Variants in GCSH observed in about 807,000 individuals in gnomAD.
GCSH encodes glycine cleavage system H protein, mitochondrial.
A neutral mutation model predicts 21.3 loss-of-function variants in GCSH; 15 were observed. The observed-to-expected ratio is 0.70, with a 90% confidence interval of 0.47 to 1.08. GCSH has a LOEUF of 1.08. Among genes scored for constraint, GCSH ranks in the 50% least tolerant of loss-of-function variants. GCSH has a pLI of 0.00. For synonymous variants in GCSH, 59 were observed against 84.5 expected (o/e 0.70, Z 1.66); for missense variants, 179 against 217.5 (o/e 0.82, Z 1.11).
At chr16:81,091,133 T>G (rs1162438606) in intron 1 of GCSH, 5 of 451,544 alleles carry the variant, frequency 1.1e-5, no homozygotes, top group South Asian at 7.9e-5. Context: ...ACAGTAATAA[T>G]CAGGTGCCTC....
intron 1 of GCSH, among the ~76,000 whole-genome samples, chr16:81,092,652 A>G (rs1298421941): frequency 6.6e-6 from 1 of 152,022 alleles, no homozygotes; most frequent in Non-Finnish European, 1.5e-5. Context: ...CTGAGGCATG[A>G]GAATTGCTTG....
intron 3 of GCSH, 127 bp downstream of exon 3, chr16:81,087,474 G>C: frequency 1.4e-6 from 1 of 733,382 alleles, no homozygotes; most frequent in African/African-American, 1.8e-5. Flanking sequence ...CTCCAGCCTG[G>C]GTGACAAAGC....
chr16:81,086,380 A>C (rs1250845220), intron 3 of GCSH, among the ~76,000 whole-genome samples: 4 of 152,094 alleles, frequency 2.6e-5, no homozygotes, highest in African/African-American at 9.7e-5. Flanking sequence ...CAAAACCTCG[A>C]AATAAATAAA....
intron 3 of GCSH, 29 bp downstream of exon 3, chr16:81,087,572 G>A: frequency 6.8e-7 from 1 of 1,461,306 alleles, no homozygotes; most frequent in Non-Finnish European, 9.6e-7. Context: ...TCATGGCATG[G>A]ATCATTCTAA....
At chr16:81,089,255 T>C (rs1972345456) in intron 2 of GCSH, among the ~76,000 whole-genome samples, 1 of 152,196 alleles carries the variant, frequency 6.6e-6, no homozygotes, top group Non-Finnish European at 1.5e-5. Context: ...TTTGGAATAC[T>C]CGCATTATAC....
At chr16:81,086,673 G>A (rs374760021) in intron 3 of GCSH, among the ~76,000 whole-genome samples, 1 of 151,888 alleles carries the variant, frequency 6.6e-6, no homozygotes, top group African/African-American at 2.4e-5. Context: ...AATCAGAGAA[G>A]GAAAAAGGAA....
intron 1 of GCSH, among the ~76,000 whole-genome samples, chr16:81,091,491 G>A (rs1416405350): frequency 6.6e-6 from 1 of 152,274 alleles, no homozygotes; most frequent in Middle Eastern, 3.4e-3. Context: ...CAATGTTCAA[G>A]AGTAAAAAGA....
chr16:81,096,048 C>G lies in GCSH; in HGVS notation c.148+83G>C, dbSNP rs988593267. 10 of 1,134,440 alleles carry G rather than the reference C, an allele frequency of 8.8e-6. No individual in the cohort carries two copies. The Admixed American group carries it at 3.4e-4, about 39-fold the overall frequency. 70.3% of individuals were successfully genotyped at this position (1,134,440 alleles called of 1,614,324 possible). ...CCCCGGTGGCTCAGGAGCGGTGCCC[C>G]GGCGTCCTCCGTGTCCCGCTGGGCC... On this transcript the variant is annotated intron_variant, in intron 1 of 4. Transcript: ENST00000315467.
intron 3 of GCSH, among the ~76,000 whole-genome samples, chr16:81,084,856 C>G (rs35161190): frequency 6.6e-6 from 1 of 151,588 alleles, no homozygotes; most frequent in African/African-American, 2.4e-5. Flanking sequence ...GGACTACAGG[C>G]GCCCACCTGC....
chr16:81,093,276 T>G (rs36052656), intron 1 of GCSH, among the ~76,000 whole-genome samples: 1,650 of 152,224 alleles, frequency 0.011, 23 homozygotes, highest in East Asian at 0.058. Flanking sequence ...TTATGAGCAG[T>G]TTGAAGCTAA....
intron 3 of GCSH, among the ~76,000 whole-genome samples, chr16:81,086,817 C>A (rs916726945): frequency 3.1e-5 from 4 of 130,502 alleles, no homozygotes; most frequent in Admixed American, 8.2e-5. Context: ...CTGTGTGATT[C>A]CTTTCATATA....
At chr16:81,091,436 A>C (rs1321686956) in intron 1 of GCSH, among the ~76,000 whole-genome samples, 1 of 152,184 alleles carries the variant, frequency 6.6e-6, no homozygotes, top group East Asian at 1.9e-4. Context: ...CACTTCTCTA[A>C]AGATACGGTC....
At chr16:81,096,000 G>C (rs1972498834) in intron 1 of GCSH, 131 bp downstream of exon 1, 1 of 730,018 alleles carries the variant, frequency 1.4e-6, no homozygotes, top group Non-Finnish European at 1.9e-6. Flanking sequence ...AATAAGAAGG[G>C]GGCAGGGTCC....
intron 3 of GCSH, among the ~76,000 whole-genome samples, chr16:81,086,589 T>TA (rs1298446730): frequency 1.3e-5 from 2 of 151,146 alleles, no homozygotes; most frequent in East Asian, 3.9e-4. Context: ...AAGAACAGTT[T>TA]AAAAAAGGCT....
chr16:81,085,304 T>C (rs1035332917), intron 3 of GCSH, among the ~76,000 whole-genome samples: 1 of 152,172 alleles, frequency 6.6e-6, no homozygotes, highest in Non-Finnish European at 1.5e-5. Context: ...TGAGCCACCG[T>C]GCCTGGCCTA....
chr16:81,095,728 A>C (rs536741504), intron 1 of GCSH, among the ~76,000 whole-genome samples: 101 of 152,242 alleles, frequency 6.6e-4, no homozygotes, highest in Admixed American at 1.4e-3. Context: ...CATTTAGTAA[A>C]CTAAAGGCCT....
intron 1 of GCSH, among the ~76,000 whole-genome samples, chr16:81,094,844 C>A (rs1972467775): frequency 6.6e-6 from 1 of 152,192 alleles, no homozygotes; most frequent in Non-Finnish European, 1.5e-5. Context: ...CGACTGTAAT[C>A]TCAGCACTTT....
chr16:81,089,526 G>A (rs1972354217), intron 2 of GCSH, among the ~76,000 whole-genome samples: 1 of 152,120 alleles, frequency 6.6e-6, no homozygotes, highest in African/African-American at 2.4e-5. Flanking sequence ...GTACCATACA[G>A]CCAAGGTGTG....
intron 4 of GCSH, 69 bp from the exon 5 acceptor site, chr16:81,083,032 A>C: frequency 1.0e-6 from 1 of 955,992 alleles, no homozygotes; most frequent in Admixed American, 1.7e-5. Flanking sequence ...CAAAACGTAA[A>C]ATAAATTTCT....
Sources: gnomAD v4.1 joint callset for allele counts (sites outside exome capture counted in the v4.1 genomes callset) on GRCh38, gnomAD v4.1.1 for gene constraint, MANE v1.5 for transcripts, NCBI Gene and HGNC (gene_info 2026-07-23, HGNC 2026-07-21) for gene names.